Variants in NR1H4 observed in about 807,000 individuals in gnomAD.
NR1H4 encodes bile acid receptor.
Under a neutral mutation model 58.5 loss-of-function variants are expected in NR1H4, and 23 were observed. The ratio of observed to expected loss-of-function variants is 0.39; its 90% CI spans 0.28 to 0.56. The LOEUF is 0.56. Among genes scored for constraint, NR1H4 ranks in the 20% least tolerant of loss-of-function variants. NR1H4 has a pLI of 0.58. For synonymous variants in NR1H4, 214 were observed against 198.0 expected (o/e 1.08, Z -0.68); for missense variants, 487 against 576.9 (o/e 0.84, Z 1.60).
chr12:100,545,122 C>A (rs1955029702), intron 9 of NR1H4, among the ~76,000 whole-genome samples: 2 of 152,020 alleles, frequency 1.3e-5, no homozygotes, highest in African/African-American at 4.8e-5. Context: ...GGATGCTCAG[C>A]TTCCTTTAAA....
At chr12:100,510,675 C>A in intron 3 of NR1H4, 103 bp from the exon 4 acceptor site, 1 of 1,068,418 alleles carries the variant, frequency 9.4e-7, no homozygotes, top group Non-Finnish European at 1.4e-6. Flanking sequence ...TTAAATGTTT[C>A]AATCTTTTCT....
chr12:100,496,148 T>C (rs1260391406), intron 3 of NR1H4, among the ~76,000 whole-genome samples: 1 of 152,194 alleles, frequency 6.6e-6, no homozygotes, highest in African/African-American at 2.4e-5. Flanking sequence ...CGCTGGGCCT[T>C]GGAATAAAGC....
intron 6 of NR1H4, among the ~76,000 whole-genome samples, chr12:100,535,244 T>C (rs1354835369): frequency 1.3e-5 from 2 of 152,242 alleles, no homozygotes; most frequent in East Asian, 3.8e-4. Flanking sequence ...TCTGACTCCA[T>C]TCCAGTCCTA....
At chr12:100,524,835 C>T (rs1184080718) in intron 4 of NR1H4, among the ~76,000 whole-genome samples, 6 of 152,020 alleles carry the variant, frequency 3.9e-5, no homozygotes, top group African/African-American at 1.4e-4. Flanking sequence ...ATCTTCCCTC[C>T]CAACAAACAT....
intron 1 of NR1H4, among the ~76,000 whole-genome samples, chr12:100,488,550 G>A (rs1272708642): frequency 6.6e-6 from 1 of 152,118 alleles, no homozygotes; most frequent in Non-Finnish European, 1.5e-5. Flanking sequence ...ATATTTTAGT[G>A]GCAGAAAATA....
intron 1 of NR1H4, among the ~76,000 whole-genome samples, chr12:100,479,727 A>G (rs1353497163): frequency 2.6e-5 from 4 of 152,266 alleles, no homozygotes; most frequent in Non-Finnish European, 5.9e-5. Flanking sequence ...AGGCCATACA[A>G]GAGCTGCCTA....
intron 4 of NR1H4, among the ~76,000 whole-genome samples, chr12:100,526,670 A>G (rs1469025155): frequency 3.3e-5 from 5 of 152,150 alleles, no homozygotes; most frequent in Non-Finnish European, 7.3e-5. Flanking sequence ...ATCTTACCCC[A>G]GGGTTTTCAA....
intron 1 of NR1H4, among the ~76,000 whole-genome samples, chr12:100,474,428 G>A (rs1368965315): frequency 6.6e-6 from 1 of 152,192 alleles, no homozygotes; most frequent in Non-Finnish European, 1.5e-5. Flanking sequence ...ATCAAATCTT[G>A]ATGTGAGTTT....
chr12:100,560,532 C>A (rs565052827), intron 9 of NR1H4, among the ~76,000 whole-genome samples: 1 of 152,170 alleles, frequency 6.6e-6, no homozygotes, highest in Non-Finnish European at 1.5e-5. Context: ...CAGCTTCACT[C>A]CTGAGCCAGC....
intron 9 of NR1H4, among the ~76,000 whole-genome samples, chr12:100,544,428 T>A (rs1955011793): frequency 6.6e-6 from 1 of 152,118 alleles, no homozygotes. Context: ...GGATACTGAC[T>A]GTGGAATCTG....
chr12:100,479,698 ACTC>A (rs1393997317), intron 1 of NR1H4, among the ~76,000 whole-genome samples: 1 of 151,840 alleles, frequency 6.6e-6, no homozygotes, highest in South Asian at 2.1e-4. Context: ...GAAAATCCAA[ACTC>A]CTTACCATGG....
At chr12:100,557,342 G>A (rs1291033466) in intron 9 of NR1H4, among the ~76,000 whole-genome samples, 1 of 152,180 alleles carries the variant, frequency 6.6e-6, no homozygotes. Context: ...AATAAAGTAA[G>A]AACTCATTCA....
rs538343867 is a variant in NR1H4 at position 100,475,696 on chromosome 12, T to C, written c.-190+1637T>C. Reference sequence around the variant, plus strand: ...CTAGCCTTTACTTCATTCGCCTGTTTCCTTCTCACAAAAACCCTGTATGGG... The same window carrying C: ...CTAGCCTTTACTTCATTCGCCTGTTCCCTTCTCACAAAAACCCTGTATGGG... On this transcript the variant is annotated intron_variant, in intron 1 of 10. Transcript: ENST00000392986. 1.6e-3 allele frequency among the ~76,000 whole-genome samples: 237 copies of C among 152,326 alleles called. 1 individual carries two copies. The highest frequency in any genetic ancestry group is 2.9e-3 in the Non-Finnish European group (195 of 68,024).
At chr12:100,547,007 A>T (rs1043049473) in intron 9 of NR1H4, among the ~76,000 whole-genome samples, 2 of 152,166 alleles carry the variant, frequency 1.3e-5, no homozygotes, top group Admixed American at 1.3e-4. Flanking sequence ...CAAACACTTC[A>T]GGTGGACCTC....
At chr12:100,502,032 A>G (rs1465151497) in intron 3 of NR1H4, among the ~76,000 whole-genome samples, 2 of 152,270 alleles carry the variant, frequency 1.3e-5, no homozygotes, top group African/African-American at 4.8e-5. Context: ...CCCAAGGTAC[A>G]ACATGAGTCC....
chr12:100,539,046 CAAG>C (rs973459197), intron 8 of NR1H4, among the ~76,000 whole-genome samples: 1 of 152,076 alleles, frequency 6.6e-6, no homozygotes, highest in Non-Finnish European at 1.5e-5. Context: ...GGTTTTGAAT[CAAG>C]AAATAATTGA....
chr12:100,497,178 AT>A, intron 3 of NR1H4, among the ~76,000 whole-genome samples: 1 of 152,142 alleles, frequency 6.6e-6, no homozygotes, highest in Admixed American at 6.6e-5. Flanking sequence ...TGGAGCATAT[AT>A]TAATATTAAC....
At chr12:100,502,187 A>G (rs1232567967) in intron 3 of NR1H4, among the ~76,000 whole-genome samples, 1 of 152,218 alleles carries the variant, frequency 6.6e-6, no homozygotes, top group African/African-American at 2.4e-5. Context: ...AACCAAGGAA[A>G]TAAAGGCAGA....
chr12:100,500,635 G>T (rs1953812568), intron 3 of NR1H4, among the ~76,000 whole-genome samples: 1 of 152,154 alleles, frequency 6.6e-6, no homozygotes, highest in Non-Finnish European at 1.5e-5. Flanking sequence ...GAGAGACTTG[G>T]TGACAGGTGA....
Sources: gnomAD v4.1 joint callset for allele counts (sites outside exome capture counted in the v4.1 genomes callset) on GRCh38, gnomAD v4.1.1 for gene constraint, MANE v1.5 for transcripts, NCBI Gene and HGNC (gene_info 2026-07-23, HGNC 2026-07-21) for gene names.